GRM5: variants seen among roughly 807,000 people sequenced by gnomAD.
GRM5 encodes metabotropic glutamate receptor 5.
GRM5 carries 19 observed loss-of-function variants against 83.1 expected under a neutral mutation model. The observed-to-expected ratio is 0.23, with a 90% confidence interval of 0.16 to 0.34. The LOEUF (loss-of-function observed/expected upper bound fraction) is 0.34. Among genes scored for constraint, GRM5 ranks in the 10% least tolerant of loss-of-function variants. The probability of loss-of-function intolerance (pLI) is 1.00; values close to 1 mark genes in which losing one functional copy is unlikely to be tolerated. For missense variants in GRM5, 1,160 were observed against 1,588.3 expected (o/e 0.73, Z 4.58); for synonymous variants, 675 against 633.6 (o/e 1.07, Z -0.98).
At chr11:88,794,634 T>C (rs1447093736) in intron 3 of GRM5, among the ~76,000 whole-genome samples, 1 of 152,174 alleles carries the variant, frequency 6.6e-6, no homozygotes, top group Non-Finnish European at 1.5e-5. Context: ...GTGAGGAGCA[T>C]CATGGAGGTA....
chr11:88,792,894 T>G (rs998731986), intron 3 of GRM5, among the ~76,000 whole-genome samples: 1 of 152,182 alleles, frequency 6.6e-6, no homozygotes, highest in African/African-American at 2.4e-5. Context: ...TTTAAACATG[T>G]AAGATGGGCC....
At chr11:88,903,737 A>G (rs1344539572) in intron 2 of GRM5, among the ~76,000 whole-genome samples, 1 of 152,190 alleles carries the variant, frequency 6.6e-6, no homozygotes. Context: ...GATAATAGAG[A>G]TTAGGAAGAT....
At chr11:89,040,548 A>T (rs546766220) in intron 2 of GRM5, among the ~76,000 whole-genome samples, 1 of 152,230 alleles carries the variant, frequency 6.6e-6, no homozygotes, top group East Asian at 1.9e-4. Context: ...TTAAAAAATA[A>T]AAATTATTCA....
chr11:88,703,169 G>A (rs557793721), intron 3 of GRM5, among the ~76,000 whole-genome samples: 28 of 152,080 alleles, frequency 1.8e-4, no homozygotes, highest in African/African-American at 4.3e-4. Flanking sequence ...TGGAGAAAGC[G>A]CTGGGTCCTC....
At chr11:88,996,546 T>G (rs1940191597) in intron 2 of GRM5, among the ~76,000 whole-genome samples, 1 of 152,220 alleles carries the variant, frequency 6.6e-6, no homozygotes, top group Non-Finnish European at 1.5e-5. Flanking sequence ...CTGATACAAT[T>G]TAAAAGAAAA....
chr11:88,917,787 C>T (rs1048266110), intron 2 of GRM5, among the ~76,000 whole-genome samples: 1 of 151,514 alleles, frequency 6.6e-6, no homozygotes, highest in South Asian at 2.1e-4. Context: ...AACACACAGA[C>T]AGAGGAAAGC....
At chr11:89,059,875 ATTGC>A (rs967501879) in intron 1 of GRM5, among the ~76,000 whole-genome samples, 2 of 152,000 alleles carry the variant, frequency 1.3e-5, no homozygotes, top group African/African-American at 4.8e-5. Context: ...TTCTGCACCT[ATTGC>A]TTTTTTTCTA....
At chr11:88,679,749 C>T (rs1009876276) in intron 3 of GRM5, among the ~76,000 whole-genome samples, 10 of 152,156 alleles carry the variant, frequency 6.6e-5, no homozygotes, top group Admixed American at 5.2e-4. Flanking sequence ...TTATTCTCAG[C>T]AATATCTCTG....
At chr11:88,544,635 G>A (rs1942349915) in intron 8 of GRM5, among the ~76,000 whole-genome samples, 1 of 152,220 alleles carries the variant, frequency 6.6e-6, no homozygotes, top group Non-Finnish European at 1.5e-5. Flanking sequence ...CAGTCCTAGT[G>A]TAGGAGTGTC....
chr11:88,927,569 A>T (rs1945811389), intron 2 of GRM5, among the ~76,000 whole-genome samples: 1 of 152,130 alleles, frequency 6.6e-6, no homozygotes, highest in African/African-American at 2.4e-5. Flanking sequence ...ATTGAACTTA[A>T]TTTGAATGGA....
chr11:88,564,494 G>A (rs555564056), intron 8 of GRM5, among the ~76,000 whole-genome samples: 9 of 152,268 alleles, frequency 5.9e-5, no homozygotes, highest in Non-Finnish European at 1.3e-4. Flanking sequence ...TCAGTGATCC[G>A]ATTCTAGAGC....
chr11:88,526,941 G>A (rs978048800), intron 8 of GRM5, among the ~76,000 whole-genome samples: 3 of 151,866 alleles, frequency 2.0e-5, no homozygotes, highest in African/African-American at 7.3e-5. Context: ...GGAGAAGGAA[G>A]GAAATAAGAA....
intron 3 of GRM5, among the ~76,000 whole-genome samples, chr11:88,833,331 T>C (rs955939928): frequency 3.3e-5 from 5 of 151,728 alleles, no homozygotes; most frequent in East Asian, 1.9e-4. Flanking sequence ...GCAAAAGACA[T>C]GAACAGACAT....
At chr11:88,624,412 T>A (rs578162779) in intron 4 of GRM5, among the ~76,000 whole-genome samples, 1 of 152,288 alleles carries the variant, frequency 6.6e-6, no homozygotes, top group East Asian at 1.9e-4. Context: ...CCTGAGAGGA[T>A]AAGAGAAAAC....
intron 3 of GRM5, among the ~76,000 whole-genome samples, chr11:88,777,182 A>G (rs954768982): frequency 4.6e-5 from 7 of 152,236 alleles, no homozygotes; most frequent in Admixed American, 1.3e-4. Context: ...TTATTTCATT[A>G]ATTTGATCTT....
At chr11:88,960,514 G>C (rs1938748562) in intron 2 of GRM5, among the ~76,000 whole-genome samples, 1 of 152,192 alleles carries the variant, frequency 6.6e-6, no homozygotes, top group Non-Finnish European at 1.5e-5. Flanking sequence ...AGTTGAGTGA[G>C]TGCTGGTTAA....
chr11:88,768,387 A>G (rs1445686420), intron 3 of GRM5, among the ~76,000 whole-genome samples: 2 of 152,054 alleles, frequency 1.3e-5, no homozygotes, highest in African/African-American at 2.4e-5. Context: ...AGGTACTTTG[A>G]GTAGTCAAAA....
chr11:88,770,610 G>T (rs1942714632), intron 3 of GRM5, among the ~76,000 whole-genome samples: 1 of 152,082 alleles, frequency 6.6e-6, no homozygotes, highest in South Asian at 2.1e-4. Context: ...AGCAGAAATT[G>T]TTGGCTTGGT....
At chr11:88,580,715 C>T (rs1468232849) in intron 7 of GRM5, among the ~76,000 whole-genome samples, 6 of 152,050 alleles carry the variant, frequency 3.9e-5, no homozygotes, top group Non-Finnish European at 8.8e-5. Flanking sequence ...CTAATCTAAA[C>T]GAAGTTAAAA....
Sources: allele counts gnomAD v4.1 joint callset (sites outside exome capture counted in the v4.1 genomes callset), GRCh38; gene constraint gnomAD v4.1.1; transcripts MANE v1.5; gene names NCBI Gene and HGNC (gene_info 2026-07-23, HGNC 2026-07-21).